Variants in CMIP observed in about 807,000 individuals in gnomAD.
CMIP encodes the protein C-Maf-inducing protein.
CMIP carries 13 observed loss-of-function variants against 97.3 expected under a neutral mutation model. That is an observed-to-expected ratio of 0.13 (90% CI 0.09 to 0.21). CMIP has a LOEUF of 0.21. Ranked by LOEUF, CMIP falls within the 10% of genes least tolerant of loss-of-function variation. CMIP has a pLI of 1.00. For synonymous variants in CMIP, 538 were observed against 436.3 expected, an observed-to-expected ratio of 1.23 and a Z score of -2.91; for missense variants, 847 against 1,024.9, an observed-to-expected ratio of 0.83 and a Z score of 2.37.
chr16:81,457,692 C>T (rs529720464), intron 1 of CMIP, among the ~76,000 whole-genome samples: 18 of 152,368 alleles, frequency 1.2e-4, no homozygotes, highest in African/African-American at 4.1e-4. Flanking sequence ...TTTTCTGGAG[C>T]AGGCAGGGGC....
At chr16:81,670,114 C>T (rs927303733) in intron 7 of CMIP, 28 bp from the exon 8 acceptor site, 15 of 1,588,434 alleles carry the variant, frequency 9.4e-6, no homozygotes, top group Admixed American at 1.8e-5. Context: ...AGCACCGTCC[C>T]GACTCCTGTC....
Position 81,565,424 on chromosome 16 carries a change from A to C in CMIP, c.301-42143A>C, listed in dbSNP as rs550359027. Among the ~76,000 whole-genome samples, 342 of 152,154 alleles carry C rather than the reference A, an allele frequency of 2.2e-3. 2 individuals are homozygous for C. Among genetic ancestry groups the C allele is most frequent in the Middle Eastern group, 6.8e-3 (2 of 292 alleles). On this transcript the variant is annotated intron_variant, in intron 1 of 20. Transcript: ENST00000537098. ...CACCTTCATCCCTGCTCCTCTCTGC[A>C]CTCCATCCTCCTGCTCCCCTCCTGG...
intron 13 of CMIP, among the ~76,000 whole-genome samples, chr16:81,694,672 G>A (rs567096993): frequency 6.6e-5 from 10 of 152,264 alleles, no homozygotes; most frequent in African/African-American, 1.7e-4. Context: ...ATCCCTTCCC[G>A]GTTCCAGCTC....
At chr16:81,695,480 G>C (rs1270018502) in intron 13 of CMIP, 1 of 152,226 alleles carries the variant, frequency 6.6e-6, no homozygotes, top group African/African-American at 2.4e-5. Context: ...ATATCTGTGG[G>C]TAACAGATTC....
At chr16:81,672,092 AC>A in intron 9 of CMIP, 22 bp downstream of exon 9, 1 of 1,446,354 alleles carries the variant, frequency 6.9e-7, no homozygotes, top group Non-Finnish European at 9.5e-7. Flanking sequence ...AACCACCGCC[AC>A]CCAGAGGGCT....
Position 81,529,391 on chromosome 16 carries a change from G to C in CMIP, c.301-78176G>C, listed in dbSNP as rs540028229. On this transcript the variant is annotated intron_variant, in intron 1 of 20. Coordinates refer to ENST00000537098, the MANE Select transcript of CMIP (RefSeq NM_198390.3). ...AGTGTGGGTGGGCAGAGTGTGAGGG[G>C]CTGGGTGACATAGATGGCTCTGGAT... Among the ~76,000 whole-genome samples, 355 of 152,284 alleles carry C rather than the reference G, an allele frequency of 2.3e-3. 1 individual carries two copies. Among genetic ancestry groups the C allele is most frequent in the African/African-American group, 8.3e-3 (345 of 41,562 alleles).
At chr16:81,515,271 G>A (rs11865129) in intron 1 of CMIP, among the ~76,000 whole-genome samples, 30,352 of 152,118 alleles carry the variant, frequency 0.2, 3,672 homozygotes, top group Admixed American at 0.32. Context: ...ACCTGTCAGC[G>A]AGGCCTCAAA....
chr16:81,471,765 C>T (rs1907572863), intron 1 of CMIP, among the ~76,000 whole-genome samples: 1 of 152,160 alleles, frequency 6.6e-6, no homozygotes, highest in Non-Finnish European at 1.5e-5. Context: ...AACACAAGCA[C>T]CATGATACCA....
intron 1 of CMIP, among the ~76,000 whole-genome samples, chr16:81,451,324 C>T (rs188656009): frequency 7.4e-4 from 112 of 152,272 alleles, no homozygotes; most frequent in Non-Finnish European, 1.4e-3. Flanking sequence ...TGTCTGCCAC[C>T]ATGTAAGACG....
intron 9 of CMIP, among the ~76,000 whole-genome samples, chr16:81,675,530 G>C (rs894440796): frequency 6.6e-6 from 1 of 152,070 alleles, no homozygotes; most frequent in Non-Finnish European, 1.5e-5. Flanking sequence ...CAATGTTTTT[G>C]TATCTACGGG....
At chr16:81,677,048 G>A (rs1904347516) in intron 9 of CMIP, among the ~76,000 whole-genome samples, 1 of 152,220 alleles carries the variant, frequency 6.6e-6, no homozygotes, top group African/African-American at 2.4e-5. Flanking sequence ...GCATCCTGGA[G>A]ATTCCTGTCT....
chr16:81,664,438 TG>T, intron 7 of CMIP, 89 bp downstream of exon 7: 2 of 1,293,868 alleles, frequency 1.5e-6, no homozygotes, highest in Non-Finnish European at 1.1e-6. Context: ...GGCACAGATT[TG>T]GGGAATGTGG....
chr16:81,580,438 A>G (rs1421598652), intron 1 of CMIP, among the ~76,000 whole-genome samples: 2 of 151,162 alleles, frequency 1.3e-5, no homozygotes, highest in African/African-American at 2.4e-5. Flanking sequence ...TCTTTTTTTA[A>G]TTTTTTTATT....
chr16:81,702,632 G>A lies in CMIP; in HGVS notation c.1907G>A (p.Gly636Asp). The change falls in exon 17 of 21, where the codon GGC (glycine) becomes GAC (aspartate). Residue 636 changes from glycine (G) to aspartate (D), a missense_variant. Gly to Asp is a moderately conservative substitution (Grantham distance 94). Coordinates refer to ENST00000537098, the MANE Select transcript of CMIP (RefSeq NM_198390.3). ...QRELKELQRK[G>D]GPTRLTLPSK... ...TGGTTTCTGTTGCAGCAAAGGAAAG[G>A]CGGGCCCACCAGGCTAACACTGCCC... The A allele has an allele frequency of 6.2e-7, 1 of 1,613,592 alleles. No individual in the cohort carries two copies. Among genetic ancestry groups the A allele is most frequent in the Non-Finnish European group, 8.5e-7 (1 of 1,179,720 alleles).
intron 3 of CMIP, among the ~76,000 whole-genome samples, chr16:81,636,601 A>G (rs1279234632): frequency 6.7e-6 from 1 of 149,406 alleles, no homozygotes; most frequent in East Asian, 2.0e-4. Context: ...AAAAAAAAAA[A>G]GTATGGCATT....
chr16:81,695,156 C>T (rs1290868568), intron 13 of CMIP, among the ~76,000 whole-genome samples: 1 of 152,230 alleles, frequency 6.6e-6, no homozygotes, highest in Non-Finnish European at 1.5e-5. Flanking sequence ...AAGGAGCCAG[C>T]TCCCCTGGCC....
At chr16:81,691,106 CT>C (rs1906010953) in intron 10 of CMIP, among the ~76,000 whole-genome samples, 1 of 152,188 alleles carries the variant, frequency 6.6e-6, no homozygotes, top group African/African-American at 2.4e-5. Flanking sequence ...CCTAAGCCCC[CT>C]ACATTAGTTT....
intron 10 of CMIP, 149 bp downstream of exon 10, chr16:81,678,777 GCAAGAGTGTGCATAAGCA>G: frequency 1.7e-6 from 1 of 597,360 alleles, no homozygotes; most frequent in Non-Finnish European, 3.0e-6. Context: ...GCTGGTGTGT[GCAAGAGTGTGCATAAGCA>G]CAAGTGTGGC....
chr16:81,494,345 T>TG (rs2089453297), intron 1 of CMIP, among the ~76,000 whole-genome samples: 1 of 152,152 alleles, frequency 6.6e-6, no homozygotes, highest in South Asian at 2.1e-4. Context: ...ATGGAGCAGA[T>TG]GCGGGGCTGA....
Sources: gnomAD v4.1 joint callset for allele counts (sites outside exome capture counted in the v4.1 genomes callset) on GRCh38, gnomAD v4.1.1 for gene constraint, MANE v1.5 for transcripts, NCBI Gene and HGNC (gene_info 2026-07-23, HGNC 2026-07-21) for gene names.